LOC400499: variants seen among roughly 807,000 people sequenced by gnomAD.
chr16:11,496,670 G>A, the LOC400499 span, among the ~76,000 whole-genome samples: 1,845 of 152,200 alleles, frequency 0.012, 44 homozygotes, highest in African/African-American at 0.042. Context: ...GTCCAGGTGC[G>A]TGTGTGTGTA....
chr16:11,384,465 G>A, the LOC400499 span: 102,786 of 431,260 alleles, frequency 0.24, 15,247 homozygotes, highest in African/African-American at 0.54. Flanking sequence ...CCTCCACCCC[G>A]GACTCCTGGA....
the LOC400499 span, among the ~76,000 whole-genome samples, chr16:11,489,896 C>A: frequency 1.3e-5 from 2 of 152,342 alleles, no homozygotes; most frequent in Non-Finnish European, 2.9e-5. Context: ...GTGAGATTAA[C>A]TCAAGGGCCA....
At chr16:11,388,074 T>G in the LOC400499 span, among the ~76,000 whole-genome samples, 1 of 152,154 alleles carries the variant, frequency 6.6e-6, no homozygotes, top group African/African-American at 2.4e-5. Flanking sequence ...TACCCTGTTG[T>G]TGATGGGCCA....
chr16:11,462,870 C>T, the LOC400499 span, among the ~76,000 whole-genome samples: 5 of 152,160 alleles, frequency 3.3e-5, no homozygotes, highest in East Asian at 1.9e-4. Context: ...CTATGGAACG[C>T]GTCTAGAATC....
chr16:11,423,094 G>A, the LOC400499 span: 3 of 399,036 alleles, frequency 7.5e-6, no homozygotes, highest in Non-Finnish European at 1.3e-5. Context: ...CACCTCAGAC[G>A]GCCCCTGTGA....
At chr16:11,516,139 C>T in the LOC400499 span, 1 of 399,880 alleles carries the variant, frequency 2.5e-6, no homozygotes, top group Non-Finnish European at 4.4e-6. Context: ...CTCCTGGCCT[C>T]ACCTCATCAA....
chr16:11,460,319 T>C, the LOC400499 span, among the ~76,000 whole-genome samples: 1 of 152,140 alleles, frequency 6.6e-6, no homozygotes, highest in Non-Finnish European at 1.5e-5. Context: ...TGAACAGACA[T>C]AAGACTGAGA....
chr16:11,392,685 T>G, the LOC400499 span: 1 of 776,918 alleles, frequency 1.3e-6, no homozygotes, highest in Non-Finnish European at 1.6e-6. Context: ...TTCTGTCCCC[T>G]CCCCCGACAC....
At chr16:11,478,680 G>A in the LOC400499 span, 1 of 399,180 alleles carries the variant, frequency 2.5e-6, no homozygotes, top group Non-Finnish European at 4.4e-6. Context: ...CACGCCTCCG[G>A]GTCACCTGGG....
At chr16:11,492,371 G>A in the LOC400499 span, among the ~76,000 whole-genome samples, 1 of 148,802 alleles carries the variant, frequency 6.7e-6, no homozygotes, top group African/African-American at 2.5e-5. Flanking sequence ...CAACAACTAT[G>A]CACTCAGCAC....
chr16:11,411,643 T>G, the LOC400499 span, among the ~76,000 whole-genome samples: 2 of 152,058 alleles, frequency 1.3e-5, no homozygotes, highest in African/African-American at 4.8e-5. Flanking sequence ...AGTTTCCCCA[T>G]TGGTATCAAG....
the LOC400499 span, chr16:11,425,390 G>A: frequency 1.0e-5 from 4 of 399,260 alleles, no homozygotes; most frequent in Non-Finnish European, 1.3e-5. Flanking sequence ...GGTCCCGCAG[G>A]AGGAAGCCCA....
chr16:11,400,518 G>A, the LOC400499 span, among the ~76,000 whole-genome samples: 1 of 151,410 alleles, frequency 6.6e-6, no homozygotes. Context: ...TTGGCTCACT[G>A]CAACCTCCAC....
the LOC400499 span, chr16:11,439,724 G>A: frequency 3.6e-5 from 14 of 394,084 alleles, no homozygotes; most frequent in Non-Finnish European, 5.4e-5. Flanking sequence ...ATATTCCTCA[G>A]CCCTCAATCT....
the LOC400499 span, among the ~76,000 whole-genome samples, chr16:11,427,367 A>G: frequency 6.7e-6 from 1 of 149,856 alleles, no homozygotes; most frequent in East Asian, 1.9e-4. Flanking sequence ...AAAAAAAAAA[A>G]AAAAAAAAAA....
chr16:11,456,998 C>T, the LOC400499 span: 1 of 1,535,404 alleles, frequency 6.5e-7, no homozygotes, highest in Non-Finnish European at 8.7e-7. Flanking sequence ...GGTAAAGCTG[C>T]ACGCGGCAAT....
the LOC400499 span, among the ~76,000 whole-genome samples, chr16:11,521,347 G>C: frequency 6.6e-6 from 1 of 152,182 alleles, no homozygotes; most frequent in African/African-American, 2.4e-5. Flanking sequence ...AGAGGCAAAT[G>C]AGCAAGCACT....
At chr16:11,476,965 C>G in the LOC400499 span, 1 of 399,352 alleles carries the variant, frequency 2.5e-6, no homozygotes, top group Non-Finnish European at 4.4e-6. Flanking sequence ...CAGGCATGTA[C>G]CAGCTGCATC....
chr16:11,443,602 T>C, the LOC400499 span: 1 of 286,396 alleles, frequency 3.5e-6, no homozygotes, highest in Non-Finnish European at 6.9e-6. Flanking sequence ...CCTAGAGGTG[T>C]CAGGAAGAAG....
Sources: gnomAD v4.1 joint callset for allele counts (sites outside exome capture counted in the v4.1 genomes callset) on GRCh38, gnomAD v4.1.1 for gene constraint, MANE v1.5 for transcripts.